AEBP2: variants seen among roughly 807,000 people sequenced by gnomAD.
AEBP2 encodes AE binding protein 2.
In AEBP2, 10 loss-of-function variants were observed where a neutral mutation model predicts 50.8. The observed-to-expected ratio is 0.20, with a 90% CI of 0.12 to 0.33. The LOEUF (loss-of-function observed/expected upper bound fraction) is 0.33, where lower values mean the gene tolerates loss of function less well. Among genes scored for constraint, AEBP2 ranks in the 10% least tolerant of loss-of-function variants. The pLI is 1.00. For missense variants in AEBP2, 570 were observed against 688.0 expected (o/e 0.83, Z 1.92); for synonymous variants, 296 against 261.3 (o/e 1.13, Z -1.28).
chr12:19,448,983 A>G (rs1948122175), intron 1 of AEBP2, among the ~76,000 whole-genome samples: 2 of 152,174 alleles, frequency 1.3e-5, no homozygotes. Flanking sequence ...CCTGGCCATC[A>G]TTACTTTTCA....
chr12:19,484,317 C>T (rs575630044), intron 3 of AEBP2, among the ~76,000 whole-genome samples: 12 of 136,470 alleles, frequency 8.8e-5, no homozygotes, highest in Admixed American at 6.6e-4. Flanking sequence ...ATTGGCCAGG[C>T]TGGTCTTGGA....
At chr12:19,495,783 A>G (rs1033121826) in intron 4 of AEBP2, among the ~76,000 whole-genome samples, 1 of 151,980 alleles carries the variant, frequency 6.6e-6, no homozygotes, top group African/African-American at 2.4e-5. Flanking sequence ...GGCTCAAGTG[A>G]TCCTTCCACT....
At chr12:19,496,475 G>A (rs559668591) in intron 4 of AEBP2, among the ~76,000 whole-genome samples, 61 of 152,214 alleles carry the variant, frequency 4.0e-4, no homozygotes, top group Non-Finnish European at 7.1e-4. Flanking sequence ...GAATTAGCAT[G>A]GTTAACAGCT....
In AEBP2 at chr12:19,439,666, G is replaced by GGGGGGA; in HGVS notation, c.-32_-31insGGGAGG. The GGGGGGA allele has an allele frequency of 2.7e-6, 4 of 1,474,994 alleles. No homozygotes were observed. Among genetic ancestry groups the GGGGGGA allele is most frequent in the African/African-American group, 1.5e-5 (1 of 67,166 alleles). The allele number at this position is 1,474,994 out of a possible 1,614,324, so 91.4% of individuals were successfully genotyped here. ...GAGTCGAGAGAGGGAGGCGGCGGTG[G>GGGGGGA]GGAGGAGGAGGAGGAGGAGGAGCAG... On this transcript the variant is annotated 5_prime_UTR_variant, in exon 1 of 8. Coordinates refer to ENST00000266508, the MANE Select transcript of AEBP2 (RefSeq NM_153207.5).
rs893278573 is a variant in AEBP2 at position 19,519,414 on chromosome 12, T to A, written c.*1297T>A. On this transcript the variant is annotated 3_prime_UTR_variant, in exon 8 of 8. Transcript: ENST00000266508. ...AGACTTAAGGGACTATGTACTACTG[T>A]TAATATCTCTAAGAACAAAACACAT... 2.0e-5 allele frequency: 3 copies of A among 152,684 alleles called. No individual in the cohort carries two copies. The highest frequency in any genetic ancestry group is 2.1e-4 in the South Asian group (1 of 4,830). The allele number at this position is 152,684 out of a possible 1,614,324, so 9.5% of individuals were successfully genotyped here.
chr12:19,493,975 G>T lies in AEBP2; in HGVS notation c.1163G>T (p.Arg388Leu). The T allele has an allele frequency of 3.7e-6, 6 of 1,607,252 alleles. No individual in the cohort carries two copies. The highest frequency in any genetic ancestry group is 1.1e-5 in the South Asian group (1 of 89,964). The change falls in exon 4 of 8, where the codon CGA becomes CTA. Residue 388 changes from arginine to leucine, a missense_variant. This residue lies in a region of AEBP2 where 184 missense variants were observed against 351.2 expected (regional missense o/e 0.52). Coordinates refer to ENST00000266508, the MANE Select transcript of AEBP2 (RefSeq NM_153207.5). ...AGGAGGAAATTAAAGAACAAAAGAC[G>T]ACGCTCATTACGTAAGTGTTACACT... The part of the protein sequence containing the change: ...NKRRKLKNKR[R>L]RSLPRPHDFF...
Position 19,431,708 on chromosome 12 carries a change from G to T in AEBP2, c.-17+27492G>T, listed in dbSNP as rs2095751508. On this transcript the variant is annotated intron_variant, in intron 1 of 3. Transcript: ENST00000538425. ...TTGGTTGGATTACAATCTACAGAAT[G>T]GGAAAACTTGCATCAGATTTCTAGT... 3.3e-5 allele frequency among the ~76,000 whole-genome samples: 5 copies of T among 152,108 alleles called. No homozygotes were observed. In the South Asian group the frequency reaches 1.0e-3, roughly 32 times the overall value.
intron 1 of AEBP2, among the ~76,000 whole-genome samples, chr12:19,407,516 C>T (rs1037281319): frequency 2.0e-5 from 3 of 152,094 alleles, no homozygotes; most frequent in Non-Finnish European, 4.4e-5. Context: ...GTTGGCCAGG[C>T]AGGTCTTGAA....
At chr12:19,475,724 TC>T (rs1422234757) in intron 3 of AEBP2, among the ~76,000 whole-genome samples, 1 of 152,194 alleles carries the variant, frequency 6.6e-6, no homozygotes, top group Non-Finnish European at 1.5e-5. Context: ...GTAAAAGTGT[TC>T]CCTTTTCACC....
At chr12:19,410,493 C>G (rs1366637912) in intron 1 of AEBP2, among the ~76,000 whole-genome samples, 3 of 152,060 alleles carry the variant, frequency 2.0e-5, no homozygotes, top group Non-Finnish European at 4.4e-5. Context: ...TTGCGTCTGG[C>G]CCTTTATAGA....
At chr12:19,482,864 TG>T (rs1203985839) in intron 3 of AEBP2, among the ~76,000 whole-genome samples, 1 of 152,050 alleles carries the variant, frequency 6.6e-6, no homozygotes, top group Non-Finnish European at 1.5e-5. Context: ...ACCAGGGAAG[TG>T]GGGGGTTGTG....
At chr12:19,425,489 A>T (rs942993486) in intron 1 of AEBP2, among the ~76,000 whole-genome samples, 3 of 152,056 alleles carry the variant, frequency 2.0e-5, no homozygotes, top group Non-Finnish European at 2.9e-5. Context: ...GAATTAGGCC[A>T]GGTCTGGCGG....
chr12:19,456,950 G>A (rs1328529811), intron 1 of AEBP2: 16 of 1,507,060 alleles, frequency 1.1e-5, no homozygotes, highest in Non-Finnish European at 1.4e-5. Flanking sequence ...AGAGCCTCAA[G>A]CAGCATGGTT....
intron 3 of AEBP2, among the ~76,000 whole-genome samples, chr12:19,485,241 C>G (rs80269977): frequency 0.054 from 8,152 of 151,900 alleles, 418 homozygotes; most frequent in East Asian, 0.16. Flanking sequence ...AAACTGTAGA[C>G]GTTTCCTATT....
Position 19,409,628 on chromosome 12 carries a change from C to T in AEBP2, c.-17+5412C>T, listed in dbSNP as rs1481103682. 2.6e-5 allele frequency among the ~76,000 whole-genome samples: 4 copies of T among 152,294 alleles called. No homozygotes were observed. The South Asian group carries it at 6.2e-4, about 24-fold the overall frequency. On this transcript the variant is annotated intron_variant, in intron 1 of 3. Coordinates refer to the AEBP2 transcript ENST00000538425. The stretch of plus-strand genomic sequence containing the variant: ...TGATTTTAGTCTTACTTTCTTACTT[C>T]ACATACATTTTTAAACTGCAGTCTT...
chr12:19,456,407 G>A (rs1238401473), intron 1 of AEBP2: 28 of 1,377,520 alleles, frequency 2.0e-5, no homozygotes, highest in Middle Eastern at 2.5e-4. Flanking sequence ...CAACACACAC[G>A]GGCTTGCCAG....
At chr12:19,408,440 T>A (rs2095737495) in intron 1 of AEBP2, among the ~76,000 whole-genome samples, 1 of 151,286 alleles carries the variant, frequency 6.6e-6, no homozygotes, top group East Asian at 2.0e-4. Flanking sequence ...GCATAGTTAC[T>A]TGGGAGGCTG....
At chr12:19,453,428 C>T (rs7314988) in intron 1 of AEBP2, among the ~76,000 whole-genome samples, 112,981 of 149,138 alleles carry the variant, frequency 0.76, 43,366 homozygotes, top group African/African-American at 0.89. Context: ...TATATACTTT[C>T]TTTTTTTTTG....
intron 2 of AEBP2, among the ~76,000 whole-genome samples, chr12:19,465,177 G>A (rs979302413): frequency 6.6e-6 from 1 of 151,800 alleles, no homozygotes; most frequent in African/African-American, 2.4e-5. Flanking sequence ...CGCGGATCAC[G>A]GGGTCAGGAG....
Sources: gnomAD v4.1 joint callset for allele counts (sites outside exome capture counted in the v4.1 genomes callset) on GRCh38, gnomAD v4.1.1 for gene constraint, gnomAD v4.1.1 regional missense constraint, MANE v1.5 for transcripts, NCBI Gene and HGNC (gene_info 2026-07-23, HGNC 2026-07-21) for gene names.